The following ROS1 variants were observed in gnomAD, a reference collection of about 807,000 sequenced individuals.
The protein encoded by ROS1 is proto-oncogene tyrosine-protein kinase ROS.
A neutral mutation model predicts 273.5 loss-of-function variants in ROS1; 263 were observed. The observed-to-expected ratio is 0.96, with a 90% confidence interval of 0.87 to 1.06. ROS1 has a LOEUF of 1.06. Ranked by LOEUF, ROS1 falls within the 50% of genes least tolerant of loss-of-function variation. ROS1 has a pLI of 0.00. For missense variants in ROS1, 2,833 were observed against 2,751.1 expected (o/e 1.03, Z -0.67); for synonymous variants, 1,008 against 954.1 (o/e 1.06, Z -1.04).
At chr6:117,335,574 G>A (rs1002174370) in intron 32 of ROS1, among the ~76,000 whole-genome samples, 1 of 152,014 alleles carries the variant, frequency 6.6e-6, no homozygotes, top group African/African-American at 2.4e-5. Flanking sequence ...CAATAACAAA[G>A]ACATGGAACC....
intron 7 of ROS1, among the ~76,000 whole-genome samples, chr6:117,400,748 C>T (rs1425760423): frequency 1.3e-5 from 2 of 152,184 alleles, no homozygotes; most frequent in Non-Finnish European, 2.9e-5. Context: ...ATATTAAGGG[C>T]CCTTGGGCTG....
At chr6:117,369,388 A>G (rs930886352) in intron 18 of ROS1, among the ~76,000 whole-genome samples, 6 of 152,132 alleles carry the variant, frequency 3.9e-5, no homozygotes, top group Non-Finnish European at 2.9e-5. Context: ...CCTGGCTAAC[A>G]TGGTGAAACA....
chr6:117,370,780 A>G (rs1257861602), intron 18 of ROS1, among the ~76,000 whole-genome samples: 3 of 152,214 alleles, frequency 2.0e-5, no homozygotes, highest in Non-Finnish European at 2.9e-5. Flanking sequence ...CATACTTAAA[A>G]TGTCATTAGA....
At chr6:117,310,998 T>A in intron 40 of ROS1, 22 bp downstream of exon 40, 1 of 1,480,114 alleles carries the variant, frequency 6.8e-7, no homozygotes. Flanking sequence ...GTAATAACCC[T>A]GTATCCAGAA....
intron 28 of ROS1, among the ~76,000 whole-genome samples, chr6:117,343,539 C>G (rs1446197753): frequency 2.0e-5 from 3 of 152,162 alleles, no homozygotes; most frequent in Non-Finnish European, 2.9e-5. Flanking sequence ...GTGCCACTAA[C>G]TGTGCTAGGT....
rs771805834 is a variant in ROS1 at position 117,379,008 on chromosome 6, T to C, written c.2582+51A>G. On this transcript the variant is annotated intron_variant, in intron 18 of 43. Coordinates refer to ENST00000368507, the MANE Select transcript of ROS1 (RefSeq NM_001378902.1). ...ATGAATTTCCATGCATTATCATTTATGACTGACAAGTTTTCTTCTCAATCA... is the reference window on the plus strand; with the variant it reads ...ATGAATTTCCATGCATTATCATTTACGACTGACAAGTTTTCTTCTCAATCA... The C allele has an allele frequency of 9.2e-6, 10 of 1,083,154 alleles. No homozygotes were observed. The South Asian group carries it at 1.3e-4, about 15-fold the overall frequency. The allele number at this position is 1,083,154 out of a possible 1,614,324, so 67.1% of individuals were successfully genotyped here.
At chr6:117,289,730 A>G (rs1773695171) in intron 43 of ROS1, among the ~76,000 whole-genome samples, 1 of 152,206 alleles carries the variant, frequency 6.6e-6, no homozygotes, top group Non-Finnish European at 1.5e-5. Flanking sequence ...AAACACATGA[A>G]TAGTTAGATG....
chr6:117,299,336 G>C (rs2128533699), intron 43 of ROS1: 1 of 152,318 alleles, frequency 6.6e-6, no homozygotes. Flanking sequence ...TCTGCTATTA[G>C]TCAAGTGCAT....
chr6:117,350,783 T>C (rs1717955720), intron 27 of ROS1, among the ~76,000 whole-genome samples: 1 of 151,732 alleles, frequency 6.6e-6, no homozygotes, highest in African/African-American at 2.4e-5. Flanking sequence ...CAGTCTACTA[T>C]TAAGCCCATC....
In ROS1 at chr6:117,425,823, T is replaced by C. The variant is rs1191996675; in HGVS notation, c.-167A>G. The stretch of plus-strand genomic sequence containing the variant: ...GCCTTTTGAAATAATACTTAGCCTT[T>C]TTCATTTAGACCTTTGAATGCTTGA... On this transcript the variant is annotated 5_prime_UTR_variant, in exon 1 of 44. Coordinates refer to ENST00000368507, the MANE Select transcript of ROS1 (RefSeq NM_001378902.1). 6.2e-6 allele frequency: 4 copies of C among 648,764 alleles called. No individual in the cohort carries two copies. Among genetic ancestry groups the C allele is most frequent in the Non-Finnish European group, 1.0e-5 (4 of 387,704 alleles). 40.2% of individuals were successfully genotyped at this position (648,764 alleles called of 1,614,324 possible).
chr6:117,409,439 A>T, intron 5 of ROS1, 143 bp downstream of exon 5: 2 of 667,666 alleles, frequency 3.0e-6, no homozygotes, highest in Non-Finnish European at 5.3e-6. Flanking sequence ...GTTTGAAATT[A>T]TTGAATTCTC....
chr6:117,391,359 T>TA (rs1773049980), intron 12 of ROS1, among the ~76,000 whole-genome samples: 1 of 152,130 alleles, frequency 6.6e-6, no homozygotes, highest in East Asian at 1.9e-4. Context: ...TTACAATTAT[T>TA]ATATTGAAGC....
chr6:117,335,235 A>G (rs1442641454), intron 32 of ROS1, among the ~76,000 whole-genome samples: 2 of 152,202 alleles, frequency 1.3e-5, no homozygotes, highest in Non-Finnish European at 2.9e-5. Flanking sequence ...AAACGTATGA[A>G]AAAAGCTCAA....
intron 39 of ROS1, 59 bp from the exon 40 acceptor site, chr6:117,311,176 T>C: frequency 1.0e-6 from 1 of 957,362 alleles, no homozygotes; most frequent in African/African-American, 1.6e-5. Flanking sequence ...AATATATACA[T>C]ATATGTGTGA....
intron 35 of ROS1, among the ~76,000 whole-genome samples, chr6:117,323,242 GA>G (rs1195084233): frequency 1.3e-5 from 2 of 151,958 alleles, no homozygotes; most frequent in African/African-American, 4.8e-5. Context: ...TGGAATCTTT[GA>G]AAAAAATCTC....
In ROS1 at chr6:117,365,190, T is replaced by A; in HGVS notation, c.2973A>T (p.Glu991Asp). 6.2e-7 allele frequency: 1 copy of A among 1,601,266 alleles called. No individual in the cohort carries two copies. The highest frequency in any genetic ancestry group is 1.8e-5 in the Admixed American group (1 of 56,348). Residue 991 changes from glutamate to aspartate, a missense_variant, in exon 21 of 44, where the codon GAA becomes GAT. Physicochemically the swap from Glu to Asp is conservative, Grantham distance 45 (BLOSUM62 2). Coordinates refer to ENST00000368507, the MANE Select transcript of ROS1 (RefSeq NM_001378902.1). ...FSAHSKFLASEQHSLPVFTVE... is the reference protein window; with the variant it reads ...FSAHSKFLASDQHSLPVFTVE... ...CAGTAAATACAGGTAAAGAGTGTTGTTCACTAGCCAAGAACTAAAATATAA... is the reference window on the plus strand; with the variant it reads ...CAGTAAATACAGGTAAAGAGTGTTGATCACTAGCCAAGAACTAAAATATAA...
chr6:117,349,939 CAT>C (rs929934993), intron 27 of ROS1, among the ~76,000 whole-genome samples: 10 of 151,968 alleles, frequency 6.6e-5, no homozygotes, highest in South Asian at 2.1e-4. Flanking sequence ...TAAATATACA[CAT>C]ATATATATGC....
chr6:117,397,390 T>A (rs974078858), intron 7 of ROS1, among the ~76,000 whole-genome samples: 13 of 152,004 alleles, frequency 8.6e-5, no homozygotes, highest in African/African-American at 3.1e-4. Flanking sequence ...ATGGCCCTTT[T>A]AAAAAAAGTC....
At position 117,409,657 on chromosome 6, in the gene ROS1, G is replaced by A. The variant is rs369894311; in HGVS notation, c.256-15C>T. 3 of 1,611,334 alleles carry A rather than the reference G, an allele frequency of 1.9e-6. No individual in the cohort carries two copies. Among genetic ancestry groups the A allele is most frequent in the African/African-American group, 2.7e-5 (2 of 74,838 alleles). On this transcript the variant is annotated splice_polypyrimidine_tract_variant and intron_variant, in intron 4 of 43. Coordinates refer to ENST00000368507, the MANE Select transcript of ROS1 (RefSeq NM_001378902.1). ...CACGACTCCCGCTGTGGAAGACAGGGAGCATGACAGTCAGGGCAGCCTTGA... is the reference window on the plus strand; with the variant it reads ...CACGACTCCCGCTGTGGAAGACAGGAAGCATGACAGTCAGGGCAGCCTTGA...
Sources: allele counts gnomAD v4.1 joint callset (sites outside exome capture counted in the v4.1 genomes callset), GRCh38; gene constraint gnomAD v4.1.1; transcripts MANE v1.5; gene names NCBI Gene and HGNC (gene_info 2026-07-23, HGNC 2026-07-21).